Variants in C14orf39 observed in about 807,000 individuals in gnomAD.
The protein encoded by C14orf39 is chromosome 14 open reading frame 39.
Under a neutral mutation model 85.6 loss-of-function variants are expected in C14orf39, and 66 were observed. The observed-to-expected ratio is 0.77, with a 90% confidence interval of 0.63 to 0.95. The LOEUF (loss-of-function observed/expected upper bound fraction) is 0.95. Ranked by LOEUF, C14orf39 falls within the 40% of genes least tolerant of loss-of-function variation. C14orf39 has a pLI of 0.00. For missense variants in C14orf39, 735 were observed against 663.9 expected (o/e 1.11, Z -1.18); for synonymous variants, 242 against 214.0 (o/e 1.13, Z -1.14).
At chr14:60,498,972 T>C (rs1186879977) in intron 2 of C14orf39, among the ~76,000 whole-genome samples, 1 of 152,136 alleles carries the variant, frequency 6.6e-6, no homozygotes, top group Non-Finnish European at 1.5e-5. Flanking sequence ...AAAATATTAC[T>C]GAAGGGCCGG....
At chr14:60,448,868 G>A (rs1243150240) in intron 16 of C14orf39, among the ~76,000 whole-genome samples, 1 of 152,190 alleles carries the variant, frequency 6.6e-6, no homozygotes, top group Non-Finnish European at 1.5e-5. Context: ...TAAAAAGGAC[G>A]AGTTCATGTT....
chr14:60,506,205 C>T (rs2140184953), intron 1 of C14orf39, among the ~76,000 whole-genome samples: 1 of 152,250 alleles, frequency 6.6e-6, no homozygotes, highest in South Asian at 2.1e-4. Context: ...TGCAAAACCA[C>T]CCAGACAGGC....
At position 60,483,825 on chromosome 14, in the gene C14orf39, G is replaced by C; in HGVS notation, c.107-8C>G. On this transcript the variant is annotated splice_polypyrimidine_tract_variant and splice_region_variant and intron_variant, in intron 3 of 17. Transcript: ENST00000321731. ...TAATATCTTCACAGCATTCTACAAA[G>C]AGAAAATGTTTATTTTCTTAATGTA... is the stretch of plus-strand genomic sequence containing the variant. The C allele has an allele frequency of 6.8e-7, 1 of 1,470,772 alleles. No individual in the cohort carries two copies. Among genetic ancestry groups the C allele is most frequent in the South Asian group, 1.2e-5 (1 of 81,286 alleles). The allele number at this position is 1,470,772 out of a possible 1,614,324, so 91.1% of individuals were successfully genotyped here. A position where few individuals can be genotyped will look rare whatever the true frequency, so the allele number is the denominator to read the frequency against.
At chr14:60,480,111 A>G (rs1432144695) in intron 4 of C14orf39, among the ~76,000 whole-genome samples, 1 of 152,202 alleles carries the variant, frequency 6.6e-6, no homozygotes, top group Non-Finnish European at 1.5e-5. Flanking sequence ...CACTCCTGTT[A>G]GAATGGCTGT....
intron 5 of C14orf39, 94 bp downstream of exon 5, chr14:60,478,206 A>T: frequency 3.2e-6 from 1 of 308,680 alleles, no homozygotes; most frequent in Non-Finnish European, 6.4e-6. Flanking sequence ...CTCCTTGAGT[A>T]CAAAATGTCT....
At chr14:60,451,620 A>G (rs1308694480) in intron 16 of C14orf39, among the ~76,000 whole-genome samples, 3 of 147,558 alleles carry the variant, frequency 2.0e-5, no homozygotes, top group Non-Finnish European at 4.5e-5. Flanking sequence ...TCTCACTCAT[A>G]GGTGGGAATT....
intron 5 of C14orf39, among the ~76,000 whole-genome samples, chr14:60,476,542 T>C (rs913879672): frequency 6.6e-6 from 1 of 152,336 alleles, no homozygotes; most frequent in Admixed American, 6.5e-5. Context: ...TTAAGCTATG[T>C]AGCTGGTTTA....
chr14:60,506,485 C>G (rs919046828), intron 1 of C14orf39, among the ~76,000 whole-genome samples: 6 of 152,222 alleles, frequency 3.9e-5, no homozygotes, highest in Admixed American at 6.5e-5. Context: ...TAAGGAATCC[C>G]GTGGAGCTTC....
In C14orf39 at chr14:60,478,401, AAT is replaced by A; in HGVS notation, c.234-14_234-13del. 6.7e-7 allele frequency: 1 copy of A among 1,483,458 alleles called. No homozygotes were observed. Among genetic ancestry groups the A allele is most frequent in the Non-Finnish European group, 9.2e-7 (1 of 1,092,302 alleles). The allele number at this position is 1,483,458 out of a possible 1,614,324, so 91.9% of individuals were successfully genotyped here. ...ATGTTGGCTTCCAGCTATAGAAAAAAATATATTTGTAATTAGCAACTCAGAAT... is the reference window on the plus strand; with the variant it reads ...ATGTTGGCTTCCAGCTATAGAAAAAAATATTTGTAATTAGCAACTCAGAAT... On this transcript the variant is annotated splice_polypyrimidine_tract_variant and intron_variant, in intron 4 of 17. Coordinates refer to ENST00000321731, the MANE Select transcript of C14orf39 (RefSeq NM_174978.3).
intron 17 of C14orf39, among the ~76,000 whole-genome samples, chr14:60,437,935 A>G (rs1348804177): frequency 6.6e-6 from 1 of 151,626 alleles, no homozygotes. Flanking sequence ...CACTTATTAT[A>G]TTACTTATTA....
chr14:60,456,569 T>A (rs17097446), intron 15 of C14orf39, among the ~76,000 whole-genome samples: 4,450 of 152,088 alleles, frequency 0.029, 229 homozygotes, highest in African/African-American at 0.1. Context: ...CTTGACATTT[T>A]AAATTTTCTT....
intron 8 of C14orf39, 40 bp downstream of exon 8, chr14:60,469,493 C>T: frequency 7.8e-6 from 7 of 894,970 alleles, no homozygotes; most frequent in Non-Finnish European, 1.1e-5. Context: ...TATACTTATA[C>T]ATTAATACAC....
At chr14:60,486,425 A>C (rs1892895425), upstream of C14orf39, among the ~76,000 whole-genome samples, 1 of 152,228 alleles carries the variant, frequency 6.6e-6, no homozygotes, top group Non-Finnish European at 1.5e-5. Context: ...TACTCAATTC[A>C]ATAATCAAAA....
At chr14:60,507,120 C>A (rs950976855) in intron 1 of C14orf39, among the ~76,000 whole-genome samples, 1 of 152,214 alleles carries the variant, frequency 6.6e-6, no homozygotes, top group Non-Finnish European at 1.5e-5. Context: ...ACCCCACCGC[C>A]TCTTCTGCGC....
intron 11 of C14orf39, among the ~76,000 whole-genome samples, chr14:60,462,053 T>C (rs1178952463): frequency 2.6e-5 from 4 of 152,048 alleles, no homozygotes; most frequent in Non-Finnish European, 5.9e-5. Context: ...AAAGAGCTAT[T>C]ATTCCATTTT....
intron 1 of C14orf39, among the ~76,000 whole-genome samples, chr14:60,485,537 G>A (rs1892843632): frequency 6.6e-6 from 1 of 152,206 alleles, no homozygotes; most frequent in African/African-American, 2.4e-5. Flanking sequence ...TAGAGAAACA[G>A]TGCGATTTCG....
At chr14:60,499,202 G>A (rs1179401261) in intron 2 of C14orf39, 1 of 149,390 alleles carries the variant, frequency 6.7e-6, no homozygotes, top group African/African-American at 2.5e-5. Context: ...GTTGCAGAGA[G>A]CCGAGATCAC....
At chr14:60,455,203 G>A (rs1891214454) in intron 15 of C14orf39, 58 bp from the exon 16 acceptor site, 1 of 1,261,508 alleles carries the variant, frequency 7.9e-7, no homozygotes, top group Non-Finnish European at 1.1e-6. Flanking sequence ...CTGAATACTG[G>A]TAAGCATCAT....
At chr14:60,444,317 A>G (rs1336007527) in intron 16 of C14orf39, among the ~76,000 whole-genome samples, 1 of 152,212 alleles carries the variant, frequency 6.6e-6, no homozygotes, top group Non-Finnish European at 1.5e-5. Context: ...GGTTAGACGA[A>G]TGGCTAACTA....
Sources: allele counts gnomAD v4.1 joint callset (sites outside exome capture counted in the v4.1 genomes callset), GRCh38; gene constraint gnomAD v4.1.1; transcripts MANE v1.5; gene names NCBI Gene and HGNC (gene_info 2026-07-23, HGNC 2026-07-21).